Variants in SEC14L5 observed in about 807,000 individuals in gnomAD.
SEC14L5 encodes SEC14-like protein 5.
SEC14L5 carries 96 observed loss-of-function variants against 84.6 expected under a neutral mutation model. The observed-to-expected ratio is 1.13, with a 90% CI of 0.96 to 1.34. SEC14L5 has a LOEUF of 1.34. SEC14L5 is among the 40% of genes most tolerant of loss of function. SEC14L5 has a pLI of 0.00. For missense variants in SEC14L5, 1,224 were observed against 942.5 expected, an observed-to-expected ratio of 1.30 and a Z score of -3.91; for synonymous variants, 546 against 383.4, an observed-to-expected ratio of 1.42 and a Z score of -4.95.
At chr16:5,012,388 C>G (rs1955815700) in intron 15 of SEC14L5, among the ~76,000 whole-genome samples, 1 of 152,130 alleles carries the variant, frequency 6.6e-6, no homozygotes, top group African/African-American at 2.4e-5. Context: ...ATGAGAGGAC[C>G]TTACTGCCCT....
intron 12 of SEC14L5, among the ~76,000 whole-genome samples, chr16:5,006,890 G>A (rs967892092): frequency 6.6e-6 from 1 of 152,038 alleles, no homozygotes; most frequent in Admixed American, 6.6e-5. Context: ...GCCAAGGCCT[G>A]GCCATCTAGG....
At chr16:4,986,128 GTCT>G (rs1195314364) in intron 2 of SEC14L5, among the ~76,000 whole-genome samples, 44 of 151,068 alleles carry the variant, frequency 2.9e-4, no homozygotes, top group Middle Eastern at 3.5e-3. Context: ...GTGCTGTTAT[GTCT>G]TCTTCTTCTT....
chr16:4,983,826 G>A (rs1478750559), intron 2 of SEC14L5, among the ~76,000 whole-genome samples: 3 of 151,538 alleles, frequency 2.0e-5, no homozygotes, highest in Non-Finnish European at 4.4e-5. Context: ...GCAGTGAGCC[G>A]AGATCGCGCC....
At chr16:5,006,603 A>G (rs1201964030) in intron 12 of SEC14L5, among the ~76,000 whole-genome samples, 1 of 152,096 alleles carries the variant, frequency 6.6e-6, no homozygotes, top group African/African-American at 2.4e-5. Context: ...TATGGCCCCC[A>G]GTGGCCCGGG....
intron 15 of SEC14L5, among the ~76,000 whole-genome samples, chr16:5,012,881 C>T (rs915328277): frequency 7.7e-5 from 11 of 143,442 alleles, no homozygotes; most frequent in African/African-American, 1.3e-4. Flanking sequence ...GGCGACAGAG[C>T]GAGACTGTCT....
chr16:5,008,768 C>A (rs1486260455), intron 14 of SEC14L5, 120 bp downstream of exon 14: 2 of 853,078 alleles, frequency 2.3e-6, no homozygotes, highest in African/African-American at 1.7e-5. Flanking sequence ...CCTCAGGGAC[C>A]CTGCAGGACA....
chr16:4,987,418 G>A, intron 2 of SEC14L5, 139 bp from the exon 3 acceptor site: 1 of 653,418 alleles, frequency 1.5e-6, no homozygotes, highest in Non-Finnish European at 2.5e-6. Flanking sequence ...TGGTAATGAC[G>A]GCAAAATCCC....
intron 8 of SEC14L5, 124 bp downstream of exon 8, chr16:4,997,168 G>A (rs1366336913): frequency 1.1e-5 from 7 of 624,730 alleles, no homozygotes; most frequent in Admixed American, 3.9e-5. Flanking sequence ...GTGCCATCTC[G>A]GCTCACCATA....
chr16:4,992,233 TTCTTTTCTTTTC>T (rs369390982), intron 6 of SEC14L5, among the ~76,000 whole-genome samples: 2,478 of 152,272 alleles, frequency 0.016, 61 homozygotes, highest in African/African-American at 0.055. Flanking sequence ...ACTCATTTGT[TTCTTTTCTTTTC>T]TCTTTTCTTT....
intron 12 of SEC14L5, among the ~76,000 whole-genome samples, chr16:5,006,743 T>A (rs1280948411): frequency 6.6e-6 from 1 of 152,252 alleles, no homozygotes; most frequent in African/African-American, 2.4e-5. Context: ...CACACACGAC[T>A]TATTTTTAGC....
intron 2 of SEC14L5, 49 bp from the exon 3 acceptor site, chr16:4,987,508 G>GGGGCC: frequency 6.9e-7 from 1 of 1,445,170 alleles, no homozygotes. Context: ...GGGGGGGGGG[G>GGGGCC]TCCCTCTGCC....
chr16:5,007,880 A>G (rs1418350592), intron 13 of SEC14L5, among the ~76,000 whole-genome samples: 2 of 144,682 alleles, frequency 1.4e-5, no homozygotes, highest in African/African-American at 5.1e-5. Context: ...TTCTGGGATT[A>G]TAGGCGGGAG....
At chr16:4,979,749 A>G (rs1427678761) in intron 2 of SEC14L5, among the ~76,000 whole-genome samples, 1 of 152,160 alleles carries the variant, frequency 6.6e-6, no homozygotes, top group Non-Finnish European at 1.5e-5. Flanking sequence ...TCCCTGCAGC[A>G]GGAGGATGAG....
intron 2 of SEC14L5, among the ~76,000 whole-genome samples, chr16:4,965,411 C>T (rs948519493): frequency 6.6e-6 from 1 of 152,078 alleles, no homozygotes; most frequent in Non-Finnish European, 1.5e-5. Context: ...CCTGTAATCC[C>T]AGCACTTTAG....
At position 5,015,729 on chromosome 16, in the gene SEC14L5, C is replaced by A. The variant is rs147797821; in HGVS notation, c.*759C>A. ...TTTACCTTGGCATCTGATTGCATAA[C>A]GTTCTGTTATGCAGTATCAAGATGT... On this transcript the variant is annotated 3_prime_UTR_variant, in exon 16 of 16. Coordinates refer to ENST00000251170, the MANE Select transcript of SEC14L5 (RefSeq NM_014692.2). 6.6e-6 allele frequency: 1 copy of A among 152,364 alleles called. No individual in the cohort carries two copies. Among genetic ancestry groups the A allele is most frequent in the Admixed American group, 6.5e-5 (1 of 15,288 alleles). The allele number at this position is 152,364 out of a possible 1,614,324, so 9.4% of individuals were successfully genotyped here.
chr16:4,996,854 G>C lies in SEC14L5; in HGVS notation c.781-1G>C. 6.2e-7 allele frequency: 1 copy of C among 1,607,828 alleles called. No homozygotes were observed. Among genetic ancestry groups the C allele is most frequent in the Non-Finnish European group, 8.5e-7 (1 of 1,177,258 alleles). ...GGGCTTTTTACTTCTTTGTCTCTCA[G>C]ATTCCCAAAGATGAGCACATCCTTC... On this transcript the variant is annotated splice_acceptor_variant, in intron 7 of 15. Coordinates refer to ENST00000251170, the MANE Select transcript of SEC14L5 (RefSeq NM_014692.2). LOFTEE classifies it high-confidence loss of function.
intron 2 of SEC14L5, among the ~76,000 whole-genome samples, chr16:4,967,562 G>GTTTTTTTTTTTTTTTTTTTT (rs869061549): frequency 2.7e-5 from 1 of 37,114 alleles, no homozygotes; most frequent in Non-Finnish European, 5.5e-5. Flanking sequence ...TCTTTCTTTC[G>GTTTTTTTTTTTTTTTTTTTT]TTTTTTTTTT....
chr16:4,966,594 A>G (rs1014513816), intron 2 of SEC14L5, among the ~76,000 whole-genome samples: 2 of 152,096 alleles, frequency 1.3e-5, no homozygotes, highest in Non-Finnish European at 2.9e-5. Flanking sequence ...CTCTGAGTCT[A>G]TTCACTTATT....
chr16:4,980,656 G>A (rs555434643), intron 2 of SEC14L5, among the ~76,000 whole-genome samples: 52 of 152,258 alleles, frequency 3.4e-4, no homozygotes, highest in African/African-American at 1.2e-3. Flanking sequence ...AAAAGCAGGC[G>A]ATCCTCCTTC....
Sources: gnomAD v4.1 joint callset for allele counts (sites outside exome capture counted in the v4.1 genomes callset) on GRCh38, gnomAD v4.1.1 for gene constraint, MANE v1.5 for transcripts, NCBI Gene and HGNC (gene_info 2026-07-23, HGNC 2026-07-21) for gene names.